Variants in ABRAXAS2 observed in about 807,000 individuals in gnomAD.
ABRAXAS2 encodes abraxas 2, BRISC complex subunit, also known as BRISC complex subunit Abraxas 2.
In ABRAXAS2, 23 loss-of-function variants were observed where a neutral mutation model predicts 49.0. The ratio of observed to expected loss-of-function variants is 0.47; its 90% CI spans 0.34 to 0.66. ABRAXAS2 has a LOEUF of 0.66. Among genes scored for constraint, ABRAXAS2 ranks in the 30% least tolerant of loss-of-function variants. ABRAXAS2 has a pLI of 0.01. For missense variants in ABRAXAS2, 443 were observed against 511.9 expected (o/e 0.87, Z 1.30); for synonymous variants, 168 against 180.2 (o/e 0.93, Z 0.54).
intron 2 of ABRAXAS2, among the ~76,000 whole-genome samples, chr10:124,811,135 C>T (rs774533169): frequency 2.6e-5 from 4 of 151,460 alleles, no homozygotes; most frequent in Non-Finnish European, 4.4e-5. Context: ...GACGTGAACC[C>T]GGGATGCGGA....
intron 5 of ABRAXAS2, among the ~76,000 whole-genome samples, chr10:124,827,970 G>A (rs933772514): frequency 3.3e-5 from 5 of 152,180 alleles, no homozygotes; most frequent in Non-Finnish European, 5.9e-5. Flanking sequence ...CAGTCACTGT[G>A]AGTATACAAA....
At chr10:124,817,008 A>G (rs763781810) in intron 3 of ABRAXAS2, among the ~76,000 whole-genome samples, 1 of 152,252 alleles carries the variant, frequency 6.6e-6, no homozygotes, top group South Asian at 2.1e-4. Context: ...GTCCCTGCTT[A>G]TCCTTGGGCA....
At chr10:124,823,679 A>T (rs7097254) in intron 4 of ABRAXAS2, among the ~76,000 whole-genome samples, 3 of 152,050 alleles carry the variant, frequency 2.0e-5, no homozygotes, top group African/African-American at 7.2e-5. Context: ...CTGTGTGAAA[A>T]ATTGGCCGAG....
At position 124,834,789 on chromosome 10, in the gene ABRAXAS2, G is replaced by A. The variant is rs1427905464; in HGVS notation, c.1066G>A (p.Ala356Thr). The A allele has an allele frequency of 1.9e-6, 3 of 1,614,022 alleles. No individual in the cohort carries two copies. Among genetic ancestry groups the A allele is most frequent in the African/African-American group, 2.7e-5 (2 of 74,910 alleles). ...CGGACTGAAGTATCCTGGAAGTGGG[G>A]CTGACCTTCCTCCTCCCCAAAGAGC... The part of the protein sequence containing the change: ...SAGLKYPGSG[A>T]DLPPPQRAAG... Residue 356 changes from alanine to threonine, a missense_variant, in exon 9 of 9, where the codon GCT (alanine) becomes ACT (threonine). By Grantham distance (58) the Ala-to-Thr change is moderately conservative. Coordinates refer to ENST00000298492, the MANE Select transcript of ABRAXAS2 (RefSeq NM_032182.4).
At chr10:124,818,735 T>C (rs1950841953) in intron 3 of ABRAXAS2, among the ~76,000 whole-genome samples, 1 of 152,194 alleles carries the variant, frequency 6.6e-6, no homozygotes, top group Non-Finnish European at 1.5e-5. Flanking sequence ...TATACCTGGA[T>C]GCGCACCACG....
At chr10:124,813,713 G>T (rs1239812311) in intron 2 of ABRAXAS2, among the ~76,000 whole-genome samples, 3 of 152,174 alleles carry the variant, frequency 2.0e-5, no homozygotes, top group Admixed American at 2.0e-4. Context: ...ATCTTAGAAA[G>T]CTTTAACTTC....
chr10:124,806,697 GA>G (rs1423594968), intron 1 of ABRAXAS2, 133 bp from the exon 2 acceptor site: 1 of 592,114 alleles, frequency 1.7e-6, no homozygotes, highest in African/African-American at 1.9e-5. Flanking sequence ...TTGGTTTATA[GA>G]ATAGTGGTTT....
intron 1 of ABRAXAS2, among the ~76,000 whole-genome samples, chr10:124,804,637 A>T (rs1425811795): frequency 6.6e-6 from 1 of 151,896 alleles, no homozygotes; most frequent in East Asian, 1.9e-4. Flanking sequence ...GTGTTTCTCA[A>T]ATTAGTAGTC....
At chr10:124,825,094 G>A (rs771770831) in intron 4 of ABRAXAS2, among the ~76,000 whole-genome samples, 4 of 152,018 alleles carry the variant, frequency 2.6e-5, no homozygotes, top group Non-Finnish European at 5.9e-5. Context: ...GGCTGAGGCG[G>A]GTGGATCACT....
At chr10:124,815,892 C>CT (rs34730970) in intron 2 of ABRAXAS2, among the ~76,000 whole-genome samples, 8,327 of 94,598 alleles carry the variant, frequency 0.088, 834 homozygotes, top group African/African-American at 0.25. Context: ...GTCCTCGCAG[C>CT]TTTTTTTTTT....
At position 124,836,042 on chromosome 10, in the gene ABRAXAS2, T is replaced by C. The variant is rs1362988244; in HGVS notation, c.*1071T>C. 2 of 152,634 alleles carry C rather than the reference T, an allele frequency of 1.3e-5. No individual in the cohort carries two copies. 9.5% of individuals were successfully genotyped at this position (152,634 alleles called of 1,614,324 possible). ...TGCACTTATATTTTTATTTAATGAC[T>C]ACTTGTTTTCTAGTTTTGCCCACAA... On this transcript the variant is annotated 3_prime_UTR_variant, in exon 9 of 9. Transcript: ENST00000298492.
intron 5 of ABRAXAS2, 115 bp downstream of exon 5, chr10:124,826,900 T>C: frequency 9.9e-7 from 1 of 1,008,790 alleles, no homozygotes; most frequent in Non-Finnish European, 1.5e-6. Context: ...GATCATGAGG[T>C]CAAGAGATTG....
intron 1 of ABRAXAS2, 114 bp downstream of exon 1, chr10:124,802,015 G>A: frequency 1.9e-6 from 2 of 1,026,978 alleles, no homozygotes; most frequent in Non-Finnish European, 2.8e-6. Context: ...ACCAGGGCCG[G>A]CCGGAGGAGC....
At position 124,831,842 on chromosome 10, in the gene ABRAXAS2, C is replaced by T. The variant is rs71488631; in HGVS notation, c.778+379C>T. On this transcript the variant is annotated intron_variant, in intron 8 of 8. Coordinates refer to ENST00000298492, the MANE Select transcript of ABRAXAS2 (RefSeq NM_032182.4). ...CCAGCAGGTAGGCACTGTGTCCTGT[C>T]TTTTTTTTTTTTTTTTTTTTTTTTT... Among the ~76,000 whole-genome samples, 88 of 37,694 alleles carry T rather than the reference C, an allele frequency of 2.3e-3. 5 individuals carry two copies. The highest frequency in any genetic ancestry group is 2.1e-3 in the Non-Finnish European group (45 of 21,398). 24.7% of individuals were successfully genotyped at this position (37,694 alleles called of 152,430 possible). A position where few individuals can be genotyped will look rare whatever the true frequency, so the allele number is the denominator to read the frequency against.
At chr10:124,804,219 C>T (rs1167480687) in intron 1 of ABRAXAS2, among the ~76,000 whole-genome samples, 3 of 152,156 alleles carry the variant, frequency 2.0e-5, no homozygotes, top group Non-Finnish European at 4.4e-5. Flanking sequence ...TTCTTGATGT[C>T]ACTGTTGAGT....
intron 3 of ABRAXAS2, among the ~76,000 whole-genome samples, chr10:124,818,996 C>T (rs928304941): frequency 6.6e-6 from 1 of 152,188 alleles, no homozygotes; most frequent in Non-Finnish European, 1.5e-5. Context: ...ATGTCTTCTT[C>T]CACATCCCAC....
chr10:124,805,489 C>A (rs1041905448), intron 1 of ABRAXAS2, among the ~76,000 whole-genome samples: 4 of 152,188 alleles, frequency 2.6e-5, no homozygotes, highest in Non-Finnish European at 5.9e-5. Flanking sequence ...ATTGTTTCAA[C>A]AAATTTATTC....
At chr10:124,830,761 A>T (rs1375535341) in intron 7 of ABRAXAS2, among the ~76,000 whole-genome samples, 1 of 152,250 alleles carries the variant, frequency 6.6e-6, no homozygotes, top group East Asian at 1.9e-4. Flanking sequence ...AGCACTGGCC[A>T]AAAGTGGCTG....
At chr10:124,814,588 G>A (rs566463139) in intron 2 of ABRAXAS2, among the ~76,000 whole-genome samples, 16 of 151,706 alleles carry the variant, frequency 1.1e-4, no homozygotes, top group African/African-American at 3.4e-4. Flanking sequence ...TGATCCACCC[G>A]CCTTGGCCTC....
Sources: allele counts gnomAD v4.1 joint callset (sites outside exome capture counted in the v4.1 genomes callset), GRCh38; gene constraint gnomAD v4.1.1; transcripts MANE v1.5; gene names NCBI Gene and HGNC (gene_info 2026-07-23, HGNC 2026-07-21).